GALNT17: variants seen among roughly 807,000 people sequenced by gnomAD.
GALNT17 encodes polypeptide N-acetylgalactosaminyltransferase 17, also known as UDP-GalNAc:polypeptide N-acetylgalactosaminyltransferase-like 3.
A neutral mutation model predicts 63.7 loss-of-function variants in GALNT17; 29 were observed. That is an observed-to-expected ratio of 0.46 (90% CI 0.34 to 0.62). GALNT17 has a LOEUF of 0.62. GALNT17 is among the 20% of genes least tolerant of loss of function. The probability of loss-of-function intolerance (pLI) is 0.01; values close to 1 mark genes in which losing one functional copy is unlikely to be tolerated. For missense variants in GALNT17, 603 were observed against 799.6 expected (o/e 0.75, Z 2.97); for synonymous variants, 305 against 318.3 (o/e 0.96, Z 0.45).
intron 5 of GALNT17, among the ~76,000 whole-genome samples, chr7:71,463,121 T>C (rs746992536): frequency 1.8e-4 from 28 of 152,128 alleles, no homozygotes; most frequent in Non-Finnish European, 3.1e-4. Flanking sequence ...GAGTGCAGGG[T>C]GAAGTCACAG....
At chr7:71,511,928 T>C (rs1298771072) in intron 5 of GALNT17, among the ~76,000 whole-genome samples, 2 of 151,996 alleles carry the variant, frequency 1.3e-5, no homozygotes, top group African/African-American at 4.8e-5. Flanking sequence ...ATGTCCCATC[T>C]GCCAGGATCA....
At chr7:71,349,516 A>G (rs1792154261) in intron 2 of GALNT17, among the ~76,000 whole-genome samples, 1 of 152,234 alleles carries the variant, frequency 6.6e-6, no homozygotes, top group Non-Finnish European at 1.5e-5. Context: ...GTTTAATGTC[A>G]TCATAACCTC....
chr7:71,219,245 CCAAA>C (rs1004558082), intron 1 of GALNT17, among the ~76,000 whole-genome samples: 16 of 152,122 alleles, frequency 1.1e-4, no homozygotes, highest in Admixed American at 6.6e-5. Context: ...AGATTCACAC[CCAAA>C]CAATCTCTCC....
intron 1 of GALNT17, among the ~76,000 whole-genome samples, chr7:71,242,688 G>A (rs1790021670): frequency 6.6e-6 from 1 of 152,120 alleles, no homozygotes; most frequent in African/African-American, 2.4e-5. Flanking sequence ...CAAGGAAGAG[G>A]GCAACATTTA....
intron 5 of GALNT17, among the ~76,000 whole-genome samples, chr7:71,485,379 G>A (rs1172040043): frequency 6.6e-6 from 1 of 152,242 alleles, no homozygotes; most frequent in Non-Finnish European, 1.5e-5. Flanking sequence ...TTACAGGTGT[G>A]AGCCACCACA....
rs542480567 is a variant in GALNT17, at chr7:71,515,502, G to A, written c.963-55783G>A. Reference sequence around the variant, plus strand: ...TGGTCAAGAAAGGACTTCATCAGACGCAGTGATAGTGTCTTTCGAGGTTGG... The same window carrying A: ...TGGTCAAGAAAGGACTTCATCAGACACAGTGATAGTGTCTTTCGAGGTTGG... On this transcript the variant is annotated intron_variant, in intron 5 of 10. Coordinates refer to ENST00000333538, the MANE Select transcript of GALNT17 (RefSeq NM_022479.3). 1.2e-4 allele frequency among the ~76,000 whole-genome samples: 18 copies of A among 152,256 alleles called. No homozygotes were observed. In the South Asian group the frequency reaches 3.1e-3, roughly 26 times the overall value.
In GALNT17 at chr7:71,461,590, A is replaced by G. The variant is rs555283169; in HGVS notation, c.962+40485A>G. ...TTTCTTTCCTGTGCACATTAATTCA[A>G]TGTCCTTTTTACTCAGTAGGGTGTA... On this transcript the variant is annotated intron_variant, in intron 5 of 10. Transcript: ENST00000333538. Among the ~76,000 whole-genome samples the G allele has an allele frequency of 7.7e-4, 117 of 152,300 alleles. 4 individuals are homozygous for G. In the South Asian group the frequency reaches 0.023, roughly 30 times the overall value.
chr7:71,158,436 C>A (rs1788277246), intron 1 of GALNT17, among the ~76,000 whole-genome samples: 1 of 151,454 alleles, frequency 6.6e-6, no homozygotes, highest in South Asian at 2.1e-4. Flanking sequence ...AATTTGTTGC[C>A]CAGGCTGGAG....
intron 5 of GALNT17, among the ~76,000 whole-genome samples, chr7:71,438,013 A>G (rs892920273): frequency 6.6e-6 from 1 of 152,188 alleles, no homozygotes; most frequent in Non-Finnish European, 1.5e-5. Flanking sequence ...GCACTTGGCA[A>G]AGAGACCTGT....
Position 71,171,209 on chromosome 7 carries a change from A to G in GALNT17, c.238+38169A>G, listed in dbSNP as rs144517551. Among the ~76,000 whole-genome samples the G allele has an allele frequency of 2.3e-3, 352 of 152,318 alleles. 2 individuals are homozygous for G. Among genetic ancestry groups the G allele is most frequent in the African/African-American group, 7.8e-3 (323 of 41,582 alleles). Reference sequence around the variant, plus strand: ...TTTTCTGTGCTTTGTGAAGTTAGCTATTATAGAATGTAAAACGTAAAATGC... The same window carrying G: ...TTTTCTGTGCTTTGTGAAGTTAGCTGTTATAGAATGTAAAACGTAAAATGC... On this transcript the variant is annotated intron_variant, in intron 1 of 10. Transcript: ENST00000333538.
intron 5 of GALNT17, among the ~76,000 whole-genome samples, chr7:71,468,568 C>T (rs1271432145): frequency 1.3e-5 from 2 of 152,040 alleles, no homozygotes; most frequent in African/African-American, 4.8e-5. Flanking sequence ...GGATGCCCAC[C>T]ACCATGCCTG....
chr7:71,325,582 T>C (rs1222149480), intron 1 of GALNT17, among the ~76,000 whole-genome samples: 1 of 152,224 alleles, frequency 6.6e-6, no homozygotes, highest in Non-Finnish European at 1.5e-5. Context: ...GAGAAAATCA[T>C]GTCCTCATTT....
chr7:71,595,140 G>C (rs971155747), intron 6 of GALNT17, among the ~76,000 whole-genome samples: 1 of 152,122 alleles, frequency 6.6e-6, no homozygotes, highest in South Asian at 2.1e-4. Context: ...TGAGGAAGAG[G>C]GTTGGATGCA....
intron 1 of GALNT17, among the ~76,000 whole-genome samples, chr7:71,221,348 G>T: frequency 6.9e-6 from 1 of 145,144 alleles, no homozygotes; most frequent in Non-Finnish European, 1.5e-5. Context: ...CATTTAGGTT[G>T]ATTCCATGTA....
intron 9 of GALNT17, among the ~76,000 whole-genome samples, chr7:71,707,576 C>T (rs1791738995): frequency 6.6e-6 from 1 of 152,168 alleles, no homozygotes; most frequent in Admixed American, 6.5e-5. Context: ...GTCTACAGGT[C>T]AGCTGGATGG....
intron 5 of GALNT17, among the ~76,000 whole-genome samples, chr7:71,535,835 A>G (rs1356972246): frequency 5.9e-5 from 9 of 152,326 alleles, no homozygotes; most frequent in Middle Eastern, 3.4e-3. Context: ...CAATTTGACT[A>G]TTGGTTGGTA....
intron 6 of GALNT17, among the ~76,000 whole-genome samples, chr7:71,584,559 A>G (rs1434771022): frequency 6.6e-6 from 1 of 152,208 alleles, no homozygotes; most frequent in Non-Finnish European, 1.5e-5. Flanking sequence ...TAGTCTCGAC[A>G]TAAAATTACA....
At chr7:71,136,113 T>C (rs1301477047) in intron 1 of GALNT17, among the ~76,000 whole-genome samples, 1 of 152,202 alleles carries the variant, frequency 6.6e-6, no homozygotes, top group Non-Finnish European at 1.5e-5. Context: ...CTTCATCCTC[T>C]GCCGGTGCTT....
chr7:71,681,299 C>T (rs1002701812), intron 9 of GALNT17, among the ~76,000 whole-genome samples: 3 of 152,204 alleles, frequency 2.0e-5, no homozygotes, highest in Admixed American at 1.3e-4. Context: ...CACTGGAAGG[C>T]TCACCTGGGG....
Sources: allele counts gnomAD v4.1 joint callset (sites outside exome capture counted in the v4.1 genomes callset), GRCh38; gene constraint gnomAD v4.1.1; transcripts MANE v1.5; gene names NCBI Gene and HGNC (gene_info 2026-07-23, HGNC 2026-07-21).